The following SLC10A7 variants were observed in gnomAD, a reference collection of about 807,000 sequenced individuals.
The protein encoded by SLC10A7 is sodium/bile acid cotransporter 7.
Under a neutral mutation model 43.2 loss-of-function variants are expected in SLC10A7, and 29 were observed. The observed-to-expected ratio is 0.67, with a 90% CI of 0.50 to 0.92. SLC10A7 has a LOEUF of 0.92. Among genes scored for constraint, SLC10A7 ranks in the 40% least tolerant of loss-of-function variants. The pLI, the probability that SLC10A7 is intolerant of heterozygous loss-of-function variation, is 0.00. For synonymous variants in SLC10A7, 152 were observed against 144.8 expected, an observed-to-expected ratio of 1.05 and a Z score of -0.35; for missense variants, 295 against 403.2, an observed-to-expected ratio of 0.73 and a Z score of 2.30.
chr4:146,323,378 T>C (rs957245856), intron 6 of SLC10A7, among the ~76,000 whole-genome samples: 4 of 152,228 alleles, frequency 2.6e-5, no homozygotes, highest in Non-Finnish European at 5.9e-5. Flanking sequence ...TGTAAGTCTT[T>C]AATCCATCTT....
intron 5 of SLC10A7, among the ~76,000 whole-genome samples, chr4:146,355,038 G>A (rs1735465177): frequency 7.1e-6 from 1 of 141,640 alleles, no homozygotes; most frequent in Non-Finnish European, 1.5e-5. Context: ...ATTGACAAAT[G>A]GGATCTAATT....
chr4:146,271,936 C>T (rs1728924448), intron 10 of SLC10A7, among the ~76,000 whole-genome samples: 1 of 152,194 alleles, frequency 6.6e-6, no homozygotes, highest in African/African-American at 2.4e-5. Context: ...ACCTTCTCAT[C>T]TCCACCCTGG....
chr4:146,281,303 G>C (rs1416673664), intron 10 of SLC10A7, among the ~76,000 whole-genome samples: 1 of 151,584 alleles, frequency 6.6e-6, no homozygotes, highest in Non-Finnish European at 1.5e-5. Context: ...AGCACAACTA[G>C]CTCTAGCACA....
chr4:146,269,989 C>A (rs1488952312), intron 10 of SLC10A7, among the ~76,000 whole-genome samples: 1 of 152,116 alleles, frequency 6.6e-6, no homozygotes, highest in Admixed American at 6.5e-5. Context: ...TTTTCCTTTT[C>A]ATGGTACTGT....
chr4:146,455,456 T>C (rs1209680082), intron 4 of SLC10A7, among the ~76,000 whole-genome samples: 1 of 151,900 alleles, frequency 6.6e-6, no homozygotes, highest in Admixed American at 6.6e-5. Context: ...TGTCAAAGCA[T>C]CTAATGTTTC....
chr4:146,256,924 T>C (rs1367643922), intron 11 of SLC10A7: 1 of 1,535,616 alleles, frequency 6.5e-7, no homozygotes, highest in Non-Finnish European at 8.7e-7. Flanking sequence ...GGCCCCCTGG[T>C]TTGGAGTAGT....
At chr4:146,396,236 A>G (rs1202878462) in intron 5 of SLC10A7, among the ~76,000 whole-genome samples, 1 of 152,166 alleles carries the variant, frequency 6.6e-6, no homozygotes, top group Non-Finnish European at 1.5e-5. Context: ...TAACTTTTAA[A>G]TAAAGGAATA....
intron 5 of SLC10A7, among the ~76,000 whole-genome samples, chr4:146,405,798 T>C (rs941062504): frequency 2.6e-5 from 4 of 152,070 alleles, no homozygotes; most frequent in African/African-American, 4.8e-5. Context: ...TGCTATATAA[T>C]CTTGGAGGCA....
At chr4:146,372,279 C>T (rs1397695421) in intron 5 of SLC10A7, among the ~76,000 whole-genome samples, 2 of 151,776 alleles carry the variant, frequency 1.3e-5, no homozygotes. Flanking sequence ...CATGGAGACA[C>T]CCCATCTCTA....
chr4:146,520,216 A>C (rs573972638), intron 1 of SLC10A7, among the ~76,000 whole-genome samples: 4 of 152,340 alleles, frequency 2.6e-5, no homozygotes, highest in Admixed American at 2.0e-4. Context: ...TGAAGTGTGC[A>C]TTGCAGATCA....
intron 6 of SLC10A7, among the ~76,000 whole-genome samples, chr4:146,311,359 T>C (rs1232711846): frequency 2.0e-5 from 3 of 152,292 alleles, no homozygotes; most frequent in Non-Finnish European, 2.9e-5. Context: ...AGAAAACAGA[T>C]GGTGCATTTT....
chr4:146,428,933 TA>T (rs1269774954), intron 5 of SLC10A7, among the ~76,000 whole-genome samples: 1 of 152,156 alleles, frequency 6.6e-6, no homozygotes, highest in Non-Finnish European at 1.5e-5. Flanking sequence ...TCCTGATATT[TA>T]AAATCATTAT....
intron 4 of SLC10A7, among the ~76,000 whole-genome samples, chr4:146,456,044 T>C (rs1732024063): frequency 6.6e-6 from 1 of 151,574 alleles, no homozygotes; most frequent in African/African-American, 2.4e-5. Flanking sequence ...CCACGGCCAA[T>C]TTCAAAGTGC....
intron 4 of SLC10A7, among the ~76,000 whole-genome samples, chr4:146,495,797 A>ACG (rs1217640843): frequency 2.0e-5 from 3 of 151,922 alleles, no homozygotes; most frequent in Admixed American, 2.0e-4. Context: ...ACACACACAC[A>ACG]CACACACACA....
At chr4:146,446,571 G>A in intron 4 of SLC10A7, among the ~76,000 whole-genome samples, 1 of 84,332 alleles carries the variant, frequency 1.2e-5, no homozygotes, top group Non-Finnish European at 2.4e-5. Flanking sequence ...GCAAGACCCT[G>A]TCTCAAAAAA....
At chr4:146,291,436 G>C (rs1262374481) in intron 9 of SLC10A7, among the ~76,000 whole-genome samples, 3 of 152,128 alleles carry the variant, frequency 2.0e-5, no homozygotes, top group Admixed American at 1.3e-4. Context: ...AGTGCTGTGA[G>C]AGCCAAGTGC....
At chr4:146,468,847 T>A (rs867933547) in intron 4 of SLC10A7, among the ~76,000 whole-genome samples, 139 of 152,288 alleles carry the variant, frequency 9.1e-4, no homozygotes, top group African/African-American at 3.0e-3. Context: ...TGGGGGGTAC[T>A]TCTTTGTTAA....
At chr4:146,452,068 C>T (rs1245237193) in intron 4 of SLC10A7, among the ~76,000 whole-genome samples, 2 of 152,068 alleles carry the variant, frequency 1.3e-5, no homozygotes, top group South Asian at 2.1e-4. Flanking sequence ...CCTGACACCA[C>T]CATGTTCCTA....
At chr4:146,445,197 C>T (rs1243860657) in intron 4 of SLC10A7, among the ~76,000 whole-genome samples, 1 of 152,168 alleles carries the variant, frequency 6.6e-6, no homozygotes, top group African/African-American at 2.4e-5. Context: ...TACCCTTCCC[C>T]CTCTTCTACT....
Sources: gnomAD v4.1 joint callset for allele counts (sites outside exome capture counted in the v4.1 genomes callset) on GRCh38, gnomAD v4.1.1 for gene constraint, MANE v1.5 for transcripts, NCBI Gene and HGNC (gene_info 2026-07-23, HGNC 2026-07-21) for gene names.